EGF: variants seen among roughly 807,000 people sequenced by gnomAD.
EGF encodes the protein pro-epidermal growth factor.
A neutral mutation model predicts 143.8 loss-of-function variants in EGF; 95 were observed. The observed-to-expected ratio is 0.66, with a 90% CI of 0.56 to 0.78. The LOEUF is 0.78. Among genes scored for constraint, EGF ranks in the 30% least tolerant of loss-of-function variants. The pLI is 0.00. For synonymous variants in EGF, 510 were observed against 510.5 expected, an observed-to-expected ratio of 1.00 and a Z score of 0.01; for missense variants, 1,320 against 1,470.9, an observed-to-expected ratio of 0.90 and a Z score of 1.68.
intron 7 of EGF, 124 bp downstream of exon 7, chr4:109,961,113 T>A: frequency 8.7e-7 from 1 of 1,145,970 alleles, no homozygotes; most frequent in Non-Finnish European, 1.3e-6. Context: ...CCTTTGAGTT[T>A]TATTTTGTTT....
At chr4:109,960,585 C>T (rs1430426641) in intron 6 of EGF, among the ~76,000 whole-genome samples, 1 of 152,088 alleles carries the variant, frequency 6.6e-6, no homozygotes, top group African/African-American at 2.4e-5. Flanking sequence ...GCAGAGGTTG[C>T]AGTGAGCTGA....
chr4:109,924,751 A>G (rs1177562296), intron 1 of EGF, among the ~76,000 whole-genome samples: 1 of 152,092 alleles, frequency 6.6e-6, no homozygotes, highest in Non-Finnish European at 1.5e-5. Context: ...CAGTCTTGAC[A>G]CCTTTCTTAT....
chr4:109,980,771 T>C (rs1255458946), intron 14 of EGF, 55 bp from the exon 15 acceptor site: 1 of 1,608,902 alleles, frequency 6.2e-7, no homozygotes, highest in Non-Finnish European at 8.5e-7. Context: ...CTTGCATTAA[T>C]GGCATCCTTT....
intron 10 of EGF, among the ~76,000 whole-genome samples, chr4:109,967,700 G>A (rs1280728266): frequency 3.9e-5 from 6 of 152,012 alleles, no homozygotes; most frequent in South Asian, 2.1e-4. Context: ...AAAGAACTTC[G>A]CATTGGCAAG....
intron 11 of EGF, among the ~76,000 whole-genome samples, chr4:109,973,607 T>A (rs1748015976): frequency 6.7e-6 from 1 of 148,228 alleles, no homozygotes; most frequent in Admixed American, 6.8e-5. Context: ...TCCCCCGACC[T>A]CTCCTCCTTC....
rs1339440479 is a variant in EGF at position 109,969,065 on chromosome 4, CAGA to C, written c.1673_1675del (p.Glu558del). On this transcript the variant is annotated inframe_deletion, in exon 11 of 24. Coordinates refer to ENST00000265171, the MANE Select transcript of EGF (RefSeq NM_001963.6). ...CTTATTGAGGAAGGAGTAGATGTGCCAGAAGGTCTTGCTGTGGACTGGATTGGC... is the reference window on the plus strand; with the variant it reads ...CTTATTGAGGAAGGAGTAGATGTGCCAGGTCTTGCTGTGGACTGGATTGGC... The C allele has an allele frequency of 6.2e-7, 1 of 1,614,128 alleles. No individual in the cohort carries two copies.
chr4:110,007,916 G>C (rs1294852332), intron 22 of EGF, among the ~76,000 whole-genome samples: 1 of 152,140 alleles, frequency 6.6e-6, no homozygotes, highest in Non-Finnish European at 1.5e-5. Context: ...AATTAGAATA[G>C]ATTCTTCAGT....
At chr4:109,960,395 G>A (rs532008123) in intron 6 of EGF, among the ~76,000 whole-genome samples, 3 of 152,216 alleles carry the variant, frequency 2.0e-5, no homozygotes, top group Admixed American at 6.5e-5. Context: ...TTGTAATCTC[G>A]GCACTTTGGG....
intron 9 of EGF, 50 bp from the exon 10 acceptor site, chr4:109,964,351 G>A: frequency 6.2e-7 from 1 of 1,612,928 alleles, no homozygotes; most frequent in Admixed American, 1.7e-5. Flanking sequence ...ATGCCTCTTA[G>A]TTTCTAAGGC....
chr4:109,923,470 G>A lies in EGF; in HGVS notation c.127+10008G>A, dbSNP rs931950738. On this transcript the variant is annotated intron_variant, in intron 1 of 23. Transcript: ENST00000265171. ...ATAAATGAGACTTACACCAAATTTT[G>A]TACCTCCAATAAATTTGTTATAGAT... 4.0e-5 allele frequency among the ~76,000 whole-genome samples: 6 copies of A among 151,460 alleles called. No individual in the cohort carries two copies. The South Asian group carries it at 1.0e-3, about 26-fold the overall frequency.
intron 20 of EGF, 47 bp downstream of exon 20, chr4:109,994,927 C>T (rs1330288927): frequency 6.2e-7 from 1 of 1,611,624 alleles, no homozygotes; most frequent in African/African-American, 1.3e-5. Context: ...GCTATTCAGT[C>T]CATAACTTGT....
At chr4:109,985,428 C>G (rs566399954) in intron 16 of EGF, among the ~76,000 whole-genome samples, 1 of 152,306 alleles carries the variant, frequency 6.6e-6, no homozygotes, top group Admixed American at 6.5e-5. Context: ...GCCTTTTGGG[C>G]CCTGTATGAA....
rs573750464 is a variant in EGF at position 110,012,731 on chromosome 4, T to G, written c.*1276T>G. ...CAGCCTTGTAACTTTTAAAAAAATT[T>G]TTTAATCTACAACTCTGTAGATTAA... On this transcript the variant is annotated 3_prime_UTR_variant, in exon 24 of 24. Transcript: ENST00000265171. Among the ~76,000 whole-genome samples, 1 of 152,286 alleles carries G rather than the reference T, an allele frequency of 6.6e-6. No homozygotes were observed. Among genetic ancestry groups the G allele is most frequent in the Admixed American group, 6.5e-5 (1 of 15,290 alleles).
chr4:109,933,046 T>C (rs950692550), intron 1 of EGF, among the ~76,000 whole-genome samples: 4 of 152,214 alleles, frequency 2.6e-5, no homozygotes, highest in African/African-American at 9.6e-5. Flanking sequence ...TGGCAAACGA[T>C]ATACATGTAG....
chr4:109,985,083 G>A (rs1439518969), intron 16 of EGF, among the ~76,000 whole-genome samples: 1 of 152,178 alleles, frequency 6.6e-6, no homozygotes, highest in Non-Finnish European at 1.5e-5. Flanking sequence ...AAAGACTAAT[G>A]GTTGAGGGAC....
In EGF at chr4:109,961,891, T is replaced by C. The variant is rs773211892; in HGVS notation, c.1218T>C (p.Ser406=). The C allele has an allele frequency of 6.2e-7, 1 of 1,613,918 alleles. No homozygotes were observed. The highest frequency in any genetic ancestry group is 1.1e-5 in the South Asian group (1 of 91,078). The stretch of plus-strand genomic sequence containing the variant: ...TTGTTTCCTGTCCACGCAATGTGTC[T>C]GAATGCAGCCATGACTGTGTTCTGA... The part of the protein sequence containing the change: ...HQLVSCPRNV[S]ECSHDCVLTS... Residue 406 remains serine, a synonymous_variant, in exon 8 of 24, where the codon TCT becomes TCC. Coordinates refer to ENST00000265171, the MANE Select transcript of EGF (RefSeq NM_001963.6).
At chr4:109,929,459 A>G (rs539400726) in intron 1 of EGF, among the ~76,000 whole-genome samples, 2 of 152,314 alleles carry the variant, frequency 1.3e-5, no homozygotes, top group African/African-American at 4.8e-5. Flanking sequence ...CCACCCTGTT[A>G]GAGTGTTAGA....
At chr4:109,917,537 A>G (rs1207425874) in intron 1 of EGF, among the ~76,000 whole-genome samples, 2 of 151,802 alleles carry the variant, frequency 1.3e-5, no homozygotes, top group African/African-American at 4.8e-5. Context: ...ATTCAGGTGT[A>G]CATGTGGAGG....
At chr4:110,002,961 A>G (rs1752769442) in intron 21 of EGF, among the ~76,000 whole-genome samples, 1 of 152,212 alleles carries the variant, frequency 6.6e-6, no homozygotes, top group African/African-American at 2.4e-5. Context: ...AATAGCCTCC[A>G]GCTCCATCCA....
Sources: gnomAD v4.1 joint callset for allele counts (sites outside exome capture counted in the v4.1 genomes callset) on GRCh38, gnomAD v4.1.1 for gene constraint, MANE v1.5 for transcripts, NCBI Gene and HGNC (gene_info 2026-07-23, HGNC 2026-07-21) for gene names.